SOX5: variants seen among roughly 807,000 people sequenced by gnomAD.
SOX5 encodes SRY-box transcription factor 5, also known as transcription factor SOX-5.
SOX5 carries 9 observed loss-of-function variants against 92.0 expected under a neutral mutation model. That is an observed-to-expected ratio of 0.10 (90% CI 0.06 to 0.17). SOX5 has a LOEUF of 0.17. Ranked by LOEUF, SOX5 falls within the 10% of genes least tolerant of loss-of-function variation. The pLI is 1.00. For synonymous variants in SOX5, 344 were observed against 336.3 expected (o/e 1.02, Z -0.25); for missense variants, 642 against 944.5 (o/e 0.68, Z 4.20).
intron 3 of SOX5, among the ~76,000 whole-genome samples, chr12:23,768,808 T>C (rs545209197): frequency 1.3e-5 from 2 of 152,264 alleles, no homozygotes; most frequent in African/African-American, 2.4e-5. Context: ...CTTGACAGGG[T>C]TCAACACTGA....
intron 1 of SOX5, among the ~76,000 whole-genome samples, chr12:24,402,494 T>G (rs1961968824): frequency 6.6e-6 from 1 of 152,204 alleles, no homozygotes; most frequent in African/African-American, 2.4e-5. Context: ...TCTTCATCTC[T>G]GCAGCTACTC....
intron 4 of SOX5, among the ~76,000 whole-genome samples, chr12:24,118,098 G>A (rs1160638596): frequency 6.6e-6 from 1 of 151,886 alleles, no homozygotes; most frequent in East Asian, 1.9e-4. Context: ...AGAGGCTGGG[G>A]GGTGGGAAGG....
chr12:24,522,499 G>C lies in SOX5; in HGVS notation c.-251+39830C>G, dbSNP rs1950348373. 3.3e-5 allele frequency among the ~76,000 whole-genome samples: 5 copies of C among 152,032 alleles called. No individual in the cohort carries two copies. In the South Asian group the frequency reaches 1.0e-3, roughly 32 times the overall value. ...AAAGAAGCTTCAGGCCAATATCTTTGATGAATACAGATACAAAAATCCTGA... is the reference window on the plus strand; with the variant it reads ...AAAGAAGCTTCAGGCCAATATCTTTCATGAATACAGATACAAAAATCCTGA... On this transcript the variant is annotated intron_variant, in intron 1 of 4. Coordinates refer to the SOX5 transcript ENST00000446891.
chr12:24,160,529 G>A (rs1952649193), intron 4 of SOX5, among the ~76,000 whole-genome samples: 1 of 151,956 alleles, frequency 6.6e-6, no homozygotes, highest in African/African-American at 2.4e-5. Context: ...CATTGGCAGT[G>A]ATCTTTCTTT....
intron 1 of SOX5, among the ~76,000 whole-genome samples, chr12:23,911,293 TA>T (rs2097349229): frequency 6.6e-6 from 1 of 151,962 alleles, no homozygotes; most frequent in South Asian, 2.1e-4. Flanking sequence ...TTTTGAAAAA[TA>T]AAACTAAACC....
At chr12:23,823,933 C>T (rs945176082) in intron 3 of SOX5, among the ~76,000 whole-genome samples, 14 of 152,248 alleles carry the variant, frequency 9.2e-5, no homozygotes, top group East Asian at 1.9e-4. Context: ...GTATGCTTCA[C>T]GAAGTTCTTG....
At chr12:23,539,750 C>A (rs995525487) in intron 13 of SOX5, among the ~76,000 whole-genome samples, 1 of 152,106 alleles carries the variant, frequency 6.6e-6, no homozygotes, top group Non-Finnish European at 1.5e-5. Context: ...AGTATAATTT[C>A]TTTGAGAGTA....
At chr12:24,380,992 A>C (rs1957767140) in intron 1 of SOX5, among the ~76,000 whole-genome samples, 1 of 152,250 alleles carries the variant, frequency 6.6e-6, no homozygotes, top group Non-Finnish European at 1.5e-5. Flanking sequence ...GCAACAAATT[A>C]AGTGCAGACT....
chr12:24,482,608 A>G (rs1045936212), intron 1 of SOX5, among the ~76,000 whole-genome samples: 4 of 152,218 alleles, frequency 2.6e-5, no homozygotes, highest in Admixed American at 6.5e-5. Flanking sequence ...TACAAATAGT[A>G]TATTTATAAG....
intron 2 of SOX5, among the ~76,000 whole-genome samples, chr12:24,324,521 T>C (rs879061360): frequency 6.6e-6 from 1 of 152,074 alleles, no homozygotes; most frequent in Admixed American, 6.6e-5. Context: ...GTTTTTGCAA[T>C]ACTTTATCAC....
chr12:24,009,540 A>ATG (rs1040213954), intron 4 of SOX5, among the ~76,000 whole-genome samples: 1 of 152,126 alleles, frequency 6.6e-6, no homozygotes, highest in African/African-American at 2.4e-5. Context: ...GCAGAATCTT[A>ATG]TGTATATATA....
chr12:24,438,175 C>T (rs1250756587), intron 1 of SOX5, among the ~76,000 whole-genome samples: 1 of 152,126 alleles, frequency 6.6e-6, no homozygotes, highest in Non-Finnish European at 1.5e-5. Context: ...AGCAAACTAA[C>T]ACAAGAACAG....
chr12:23,577,430 C>G (rs1024447433), intron 9 of SOX5, among the ~76,000 whole-genome samples: 16 of 151,676 alleles, frequency 1.1e-4, no homozygotes, highest in Admixed American at 9.2e-4. Context: ...AACTCCTGAC[C>G]TCAAGTGATC....
chr12:24,016,246 A>G (rs1953584041), intron 4 of SOX5, among the ~76,000 whole-genome samples: 1 of 152,194 alleles, frequency 6.6e-6, no homozygotes, highest in Non-Finnish European at 1.5e-5. Flanking sequence ...TCCAAATAAT[A>G]AAACAGAATC....
At chr12:23,613,919 T>C (rs1332224509) in intron 8 of SOX5, among the ~76,000 whole-genome samples, 1 of 152,140 alleles carries the variant, frequency 6.6e-6, no homozygotes, top group African/African-American at 2.4e-5. Context: ...AGTTTGGAAA[T>C]CTGGAGGACA....
chr12:24,212,987 A>G (rs560433925), intron 4 of SOX5, among the ~76,000 whole-genome samples: 1 of 152,256 alleles, frequency 6.6e-6, no homozygotes, highest in African/African-American at 2.4e-5. Flanking sequence ...TTAACATTCT[A>G]CATGTTTTAA....
At chr12:24,271,015 C>T (rs749252945) in intron 3 of SOX5, among the ~76,000 whole-genome samples, 5 of 152,210 alleles carry the variant, frequency 3.3e-5, no homozygotes, top group African/African-American at 4.8e-5. Context: ...ACACATATTT[C>T]TCTAGGATAT....
chr12:24,006,805 A>T (rs1046162705), intron 4 of SOX5, among the ~76,000 whole-genome samples: 1 of 152,048 alleles, frequency 6.6e-6, no homozygotes, highest in Non-Finnish European at 1.5e-5. Context: ...ATCCTCCTCA[A>T]ATAGCCCCAA....
intron 4 of SOX5, among the ~76,000 whole-genome samples, chr12:24,013,394 A>T (rs1230137269): frequency 6.6e-6 from 1 of 152,204 alleles, no homozygotes; most frequent in Non-Finnish European, 1.5e-5. Flanking sequence ...TAATAATTTT[A>T]ATGAAAAATG....
Sources: gnomAD v4.1 joint callset for allele counts (sites outside exome capture counted in the v4.1 genomes callset) on GRCh38, gnomAD v4.1.1 for gene constraint, MANE v1.5 for transcripts, NCBI Gene and HGNC (gene_info 2026-07-23, HGNC 2026-07-21) for gene names.